The following PIK3C2G variants were observed in gnomAD, a reference collection of about 807,000 sequenced individuals.
The protein encoded by PIK3C2G is phosphatidylinositol-4-phosphate 3-kinase catalytic subunit type 2 gamma.
In PIK3C2G, 168 loss-of-function variants were observed where a neutral mutation model predicts 181.1. The ratio of observed to expected loss-of-function variants is 0.93; its 90% CI spans 0.82 to 1.05. The LOEUF is 1.05. Ranked by LOEUF, PIK3C2G falls within the 50% of genes least tolerant of loss-of-function variation. The pLI, the probability that PIK3C2G is intolerant of heterozygous loss-of-function variation, is 0.00. For synonymous variants in PIK3C2G, 573 were observed against 592.2 expected (o/e 0.97, Z 0.47); for missense variants, 1,869 against 1,732.8 (o/e 1.08, Z -1.40).
chr12:18,665,914 G>A, the PIK3C2G span, among the ~76,000 whole-genome samples: 2 of 145,018 alleles, frequency 1.4e-5, no homozygotes. Context: ...CAGCCTGGGT[G>A]ACAGAGATAG....
Position 18,428,742 on chromosome 12 carries a change from G to A in PIK3C2G, c.2504+4703G>A, listed in dbSNP as rs185219756. Among the ~76,000 whole-genome samples, 653 of 152,276 alleles carry A rather than the reference G, an allele frequency of 4.3e-3. 1 individual carries two copies. The highest frequency in any genetic ancestry group is 0.024 in the Middle Eastern group (7 of 294). ...TGGAAGAGTGAATGTAGGATGAATA[G>A]CCCCTATTTTCCAAGGCAAGTGAGT... is the stretch of plus-strand genomic sequence containing the variant. On this transcript the variant is annotated intron_variant, in intron 18 of 32. Transcript: ENST00000538779.
chr12:18,438,390 G>T (rs149260106), intron 18 of PIK3C2G, among the ~76,000 whole-genome samples: 68 of 151,936 alleles, frequency 4.5e-4, no homozygotes, highest in African/African-American at 1.5e-3. Context: ...ACTCCAGTGT[G>T]GCTCTGACTG....
intron 18 of PIK3C2G, among the ~76,000 whole-genome samples, chr12:18,476,155 T>C (rs574990860): frequency 6.6e-6 from 1 of 152,290 alleles, no homozygotes; most frequent in East Asian, 1.9e-4. Flanking sequence ...GGATAATGCA[T>C]ACCTGCCCAA....
At chr12:18,287,256 T>C (rs764919670) in intron 3 of PIK3C2G, among the ~76,000 whole-genome samples, 3 of 152,124 alleles carry the variant, frequency 2.0e-5, no homozygotes, top group Non-Finnish European at 2.9e-5. Flanking sequence ...CTAACTCCTC[T>C]GGCTAACCCC....
the PIK3C2G span, among the ~76,000 whole-genome samples, chr12:18,659,323 G>C: frequency 6.6e-6 from 1 of 152,022 alleles, no homozygotes; most frequent in Non-Finnish European, 1.5e-5. Context: ...AAAGTAGTCA[G>C]ACAAAATAAG....
At chr12:18,273,866 C>T (rs1409227715) in intron 1 of PIK3C2G, among the ~76,000 whole-genome samples, 3 of 152,132 alleles carry the variant, frequency 2.0e-5, no homozygotes, top group East Asian at 3.9e-4. Context: ...AGTGAACAGG[C>T]AACCTACAGA....
chr12:18,281,483 T>C (rs1949215945), intron 1 of PIK3C2G, among the ~76,000 whole-genome samples: 1 of 152,016 alleles, frequency 6.6e-6, no homozygotes, highest in Non-Finnish European at 1.5e-5. Context: ...TTAGTAGTTT[T>C]AGGGAAGTAT....
intron 5 of PIK3C2G, among the ~76,000 whole-genome samples, chr12:18,311,466 A>G (rs78332330): frequency 0.03 from 4,559 of 151,972 alleles, 218 homozygotes; most frequent in African/African-American, 0.1. Flanking sequence ...GTATCTATCT[A>G]TATCTATATA....
chr12:18,638,315 G>A (rs577269802), intron 31 of PIK3C2G, among the ~76,000 whole-genome samples: 1 of 152,290 alleles, frequency 6.6e-6, no homozygotes, highest in African/African-American at 2.4e-5. Flanking sequence ...GATCCTCTCA[G>A]AGGTTGGAGG....
chr12:18,333,276 T>C (rs879692375), intron 8 of PIK3C2G, among the ~76,000 whole-genome samples: 1 of 152,136 alleles, frequency 6.6e-6, no homozygotes, highest in Non-Finnish European at 1.5e-5. Context: ...ATGTTCTATA[T>C]TTTCATTTGT....
At chr12:18,434,468 T>C (rs1056353781) in intron 18 of PIK3C2G, among the ~76,000 whole-genome samples, 2 of 152,056 alleles carry the variant, frequency 1.3e-5, no homozygotes, top group Non-Finnish European at 2.9e-5. Context: ...AATCATAGCA[T>C]AGAATCATAG....
At chr12:18,491,127 T>C (rs1380203031) in intron 19 of PIK3C2G, among the ~76,000 whole-genome samples, 1 of 152,196 alleles carries the variant, frequency 6.6e-6, no homozygotes, top group Non-Finnish European at 1.5e-5. Flanking sequence ...GGTTTCCAAA[T>C]TGGCGGCCAC....
intron 18 of PIK3C2G, among the ~76,000 whole-genome samples, chr12:18,441,106 GAGCATGGAATTCTGTAACACTATATAA>G (rs1946724064): frequency 6.6e-6 from 1 of 152,114 alleles, no homozygotes; most frequent in Non-Finnish European, 1.5e-5. Flanking sequence ...TAAACCAAGT[GAGCATGGAATTCTGTAACACTATATAA>G]AGCATCAAAA....
the PIK3C2G span, among the ~76,000 whole-genome samples, chr12:18,721,502 G>C: frequency 6.6e-6 from 1 of 151,978 alleles, no homozygotes; most frequent in Admixed American, 6.6e-5. Flanking sequence ...CAATTCCAAA[G>C]TGTCACTGCC....
the PIK3C2G span, among the ~76,000 whole-genome samples, chr12:18,716,898 A>T: frequency 6.6e-6 from 1 of 152,214 alleles, no homozygotes; most frequent in African/African-American, 2.4e-5. Flanking sequence ...GCTTTACAGC[A>T]GTAATATTCT....
intron 1 of PIK3C2G, among the ~76,000 whole-genome samples, chr12:18,270,558 A>G (rs1948704874): frequency 6.6e-6 from 1 of 152,146 alleles, no homozygotes; most frequent in Non-Finnish European, 1.5e-5. Context: ...TATCAGTTAA[A>G]CCAGTCCCAA....
chr12:18,497,800 C>T, intron 22 of PIK3C2G, 52 bp downstream of exon 22: 1 of 1,413,144 alleles, frequency 7.1e-7, no homozygotes. Flanking sequence ...TTCACACATT[C>T]ACTAGTAATA....
chr12:18,592,306 G>T (rs1947125518), intron 29 of PIK3C2G, among the ~76,000 whole-genome samples: 1 of 151,752 alleles, frequency 6.6e-6, no homozygotes, highest in Non-Finnish European at 1.5e-5. Context: ...AAAAGGAAAA[G>T]GAGTCCACAA....
the PIK3C2G span, among the ~76,000 whole-genome samples, chr12:18,690,185 A>T: frequency 2.6e-5 from 4 of 152,114 alleles, no homozygotes; most frequent in Non-Finnish European, 4.4e-5. Context: ...AGGCACAAAT[A>T]AGGTGGAACA....
Sources: gnomAD v4.1 joint callset for allele counts (sites outside exome capture counted in the v4.1 genomes callset) on GRCh38, gnomAD v4.1.1 for gene constraint, MANE v1.5 for transcripts, NCBI Gene and HGNC (gene_info 2026-07-23, HGNC 2026-07-21) for gene names.